SYT10: variants seen among roughly 807,000 people sequenced by gnomAD.
The protein encoded by SYT10 is synaptotagmin 10, also known as synaptotagmin-10.
SYT10 carries 31 observed loss-of-function variants against 51.1 expected under a neutral mutation model. The ratio of observed to expected loss-of-function variants is 0.61; its 90% CI spans 0.46 to 0.82. The LOEUF (loss-of-function observed/expected upper bound fraction) is 0.82. SYT10 is among the 40% of genes least tolerant of loss of function. SYT10 has a pLI of 0.00. For synonymous variants in SYT10, 233 were observed against 225.9 expected, an observed-to-expected ratio of 1.03 and a Z score of -0.28; for missense variants, 603 against 634.0, an observed-to-expected ratio of 0.95 and a Z score of 0.53.
chr12:33,424,020 C>T (rs1322237199), intron 2 of SYT10: 5 of 455,556 alleles, frequency 1.1e-5, no homozygotes, highest in Admixed American at 2.4e-5. Flanking sequence ...CTCATATAAA[C>T]AATGAAAGTC....
chr12:33,416,532 TTC>T (rs1351173077), intron 2 of SYT10, among the ~76,000 whole-genome samples: 1 of 152,204 alleles, frequency 6.6e-6, no homozygotes, highest in African/African-American at 2.4e-5. Flanking sequence ...TTCATGAACA[TTC>T]TCTTTTACAA....
At chr12:33,414,967 T>C (rs1487021933) in intron 2 of SYT10, among the ~76,000 whole-genome samples, 2 of 152,228 alleles carry the variant, frequency 1.3e-5, no homozygotes, top group Non-Finnish European at 2.9e-5. Context: ...AAGTTGACTA[T>C]GTAAAGACGG....
intron 3 of SYT10, among the ~76,000 whole-genome samples, chr12:33,403,257 G>A (rs1866322084): frequency 6.9e-6 from 1 of 144,622 alleles, no homozygotes; most frequent in African/African-American, 2.6e-5. Context: ...TTTTGAGACA[G>A]AGTCTCACTC....
At chr12:33,416,272 G>A (rs781709120) in intron 2 of SYT10, among the ~76,000 whole-genome samples, 11 of 151,588 alleles carry the variant, frequency 7.3e-5, no homozygotes, top group Non-Finnish European at 1.3e-4. Context: ...TAGTAGAGAC[G>A]GGGTTTCATT....
intron 1 of SYT10, among the ~76,000 whole-genome samples, chr12:33,437,283 T>G (rs1421884155): frequency 6.6e-6 from 1 of 152,258 alleles, no homozygotes; most frequent in Non-Finnish European, 1.5e-5. Flanking sequence ...GTATATATTA[T>G]GTAGTCTATT....
chr12:33,392,538 T>C (rs1047784600), intron 3 of SYT10, among the ~76,000 whole-genome samples: 5 of 152,168 alleles, frequency 3.3e-5, no homozygotes, highest in African/African-American at 1.2e-4. Flanking sequence ...AGGAGGCTTC[T>C]ATCACAAAAC....
In SYT10 at chr12:33,426,092, ACACACACG is replaced by A. The variant is rs375466244; in HGVS notation, c.509+38_509+45del. The A allele has an allele frequency of 6.7e-6, 10 of 1,498,054 alleles. No individual in the cohort carries two copies. The South Asian group carries it at 8.3e-5, about 12-fold the overall frequency. 92.8% of individuals were successfully genotyped at this position (1,498,054 alleles called of 1,614,324 possible). ...CACACACACACACACACACACACAC[ACACACACG>A]CACACACACCAGTTTTATATATTTA... On this transcript the variant is annotated intron_variant, in intron 2 of 6. Transcript: ENST00000228567.
intron 1 of SYT10, among the ~76,000 whole-genome samples, chr12:33,430,353 C>T (rs751114954): frequency 2.8e-4 from 42 of 152,186 alleles, no homozygotes; most frequent in Non-Finnish European, 1.3e-4. Flanking sequence ...AATGCGAATT[C>T]GTCAGAAACT....
At chr12:33,423,953 A>G (rs1866527053) in intron 2 of SYT10, 1 of 455,822 alleles carries the variant, frequency 2.2e-6, no homozygotes, top group African/African-American at 2.0e-5. Flanking sequence ...GTGCCTTGGC[A>G]TAGTGACAAA....
intron 1 of SYT10, among the ~76,000 whole-genome samples, chr12:33,438,574 G>T (rs1592001295): frequency 2.6e-5 from 4 of 152,210 alleles, no homozygotes; most frequent in African/African-American, 9.6e-5. Flanking sequence ...GATTTCCGAC[G>T]GTCGATATCC....
At chr12:33,408,708 A>G (rs1866380238) in intron 2 of SYT10, among the ~76,000 whole-genome samples, 1 of 152,180 alleles carries the variant, frequency 6.6e-6, no homozygotes, top group African/African-American at 2.4e-5. Flanking sequence ...TAAATTTCTA[A>G]GGAAGATTTC....
At position 33,385,276 on chromosome 12, in the gene SYT10, C is replaced by G; in HGVS notation, c.1093G>C (p.Gly365Arg). ...TAACAAAGGGAAAACATGATTTCAC[C>G]CAGGTCTATACTTTCCTAGAAAGGC... Reference protein sequence around the residue: ...HCATTESIDLGEIMFSLCYLP... With the variant: ...HCATTESIDLREIMFSLCYLP... The change falls in exon 4 of 7, where the codon GGT becomes CGT. Residue 365 changes from glycine (G) to arginine (R), a missense_variant. Transcript: ENST00000228567. 1.2e-6 allele frequency: 2 copies of G among 1,613,444 alleles called. No individual in the cohort carries two copies. The highest frequency in any genetic ancestry group is 1.7e-6 in the Non-Finnish European group (2 of 1,179,674).
intron 1 of SYT10, among the ~76,000 whole-genome samples, chr12:33,431,408 T>C (rs1866595988): frequency 6.6e-6 from 1 of 152,206 alleles, no homozygotes; most frequent in Admixed American, 6.5e-5. Flanking sequence ...CTTTCTCATC[T>C]ATAAATCTAA....
At chr12:33,390,495 G>T (rs1314642063) in intron 3 of SYT10, among the ~76,000 whole-genome samples, 1 of 152,036 alleles carries the variant, frequency 6.6e-6, no homozygotes, top group Non-Finnish European at 1.5e-5. Flanking sequence ...TACTAATCTA[G>T]TCTCTACATT....
chr12:33,404,124 A>C (rs1326521836), intron 3 of SYT10, among the ~76,000 whole-genome samples: 2 of 152,210 alleles, frequency 1.3e-5, no homozygotes, highest in African/African-American at 4.8e-5. Flanking sequence ...AAAGATAGGC[A>C]TGTCCTAATT....
chr12:33,413,998 G>A (rs1866431446), intron 2 of SYT10, among the ~76,000 whole-genome samples: 1 of 151,932 alleles, frequency 6.6e-6, no homozygotes, highest in African/African-American at 2.4e-5. Context: ...GATCTACCAA[G>A]CAAATGGAAA....
At position 33,406,817 on chromosome 12, in the gene SYT10, A is replaced by G. The variant is rs1297888196; in HGVS notation, c.1049T>C (p.Val350Ala). 6.2e-7 allele frequency: 1 copy of G among 1,612,560 alleles called. No homozygotes were observed. The highest frequency in any genetic ancestry group is 1.7e-5 in the Admixed American group (1 of 59,860). ...EVSDLSREAT[V>A]WKDIHCATTE... is the part of the protein sequence containing the mutation. ...GGTAGCACAGTGAATATCTTTCCAT[A>G]CTGTGGCTTCCCTGGAGAGATCAGA... is the stretch of plus-strand genomic sequence containing the variant. The change falls in exon 3 of 7, where the codon GTA (valine) becomes GCA (alanine). Residue 350 changes from valine (V) to alanine (A), a missense_variant. Transcript: ENST00000228567.
At position 33,374,304 on chromosome 12, in the gene SYT10, A is replaced by T. The variant is rs962753147; in HGVS notation, c.*2526T>A. Reference sequence around the variant, plus strand: ...AAGAAGTCCCTGAAATTAGATGTTCATTATATACCTGAACTGCAGCTTCAT... The same window carrying T: ...AAGAAGTCCCTGAAATTAGATGTTCTTTATATACCTGAACTGCAGCTTCAT... On this transcript the variant is annotated 3_prime_UTR_variant, in exon 7 of 7. Transcript: ENST00000228567. 1.3e-5 allele frequency: 2 copies of T among 151,830 alleles called. No homozygotes were observed. Among genetic ancestry groups the T allele is most frequent in the African/African-American group, 4.8e-5 (2 of 41,404 alleles). 9.4% of individuals were successfully genotyped at this position (151,830 alleles called of 1,614,324 possible). A position where few individuals can be genotyped will look rare whatever the true frequency, so the allele number is the denominator to read the frequency against.
At chr12:33,407,602 T>G (rs1361000624) in intron 2 of SYT10, among the ~76,000 whole-genome samples, 1 of 152,132 alleles carries the variant, frequency 6.6e-6, no homozygotes, top group Non-Finnish European at 1.5e-5. Flanking sequence ...GTTTGTTTGT[T>G]TTGTTTTGTT....
Sources: gnomAD v4.1 joint callset for allele counts (sites outside exome capture counted in the v4.1 genomes callset) on GRCh38, gnomAD v4.1.1 for gene constraint, MANE v1.5 for transcripts, NCBI Gene and HGNC (gene_info 2026-07-23, HGNC 2026-07-21) for gene names.